KLF12: variants seen among roughly 807,000 people sequenced by gnomAD.
The protein encoded by KLF12 is KLF transcription factor 12.
KLF12 carries 9 observed loss-of-function variants against 37.8 expected under a neutral mutation model. The ratio of observed to expected loss-of-function variants is 0.24; its 90% CI spans 0.14 to 0.42. The LOEUF (loss-of-function observed/expected upper bound fraction) is 0.42. Among genes scored for constraint, KLF12 ranks in the 10% least tolerant of loss-of-function variants. KLF12 has a pLI of 1.00. For missense variants in KLF12, 411 were observed against 516.0 expected, an observed-to-expected ratio of 0.80 and a Z score of 1.97; for synonymous variants, 208 against 202.1, an observed-to-expected ratio of 1.03 and a Z score of -0.25.
chr13:73,985,980 A>G (rs1032020803), intron 2 of KLF12, among the ~76,000 whole-genome samples: 1 of 152,220 alleles, frequency 6.6e-6, no homozygotes, highest in Non-Finnish European at 1.5e-5. Context: ...CCGGAGCCAC[A>G]GCTGCAAGAG....
chr13:73,761,887 A>C (rs1196322741), intron 6 of KLF12, among the ~76,000 whole-genome samples: 1 of 152,178 alleles, frequency 6.6e-6, no homozygotes, highest in Non-Finnish European at 1.5e-5. Context: ...GGTCTGATGA[A>C]ATAGAGAATG....
At chr13:74,039,468 G>A (rs1893346006) in intron 1 of KLF12, among the ~76,000 whole-genome samples, 1 of 152,076 alleles carries the variant, frequency 6.6e-6, no homozygotes, top group African/African-American at 2.4e-5. Flanking sequence ...GGTGAAGCCA[G>A]TGAGCTTTTC....
At chr13:73,955,662 T>C (rs1295737529) in intron 2 of KLF12, among the ~76,000 whole-genome samples, 1 of 152,238 alleles carries the variant, frequency 6.6e-6, no homozygotes, top group Non-Finnish European at 1.5e-5. Context: ...TTTATGTGAT[T>C]ATCCAGAAAT....
At chr13:74,025,177 T>C (rs966565373) in intron 1 of KLF12, among the ~76,000 whole-genome samples, 6 of 152,208 alleles carry the variant, frequency 3.9e-5, no homozygotes, top group Admixed American at 6.5e-5. Context: ...TGTATCTCTA[T>C]CACTTGCCTT....
chr13:74,243,628 C>G, the KLF12 span, among the ~76,000 whole-genome samples: 30 of 152,180 alleles, frequency 2.0e-4, no homozygotes, highest in Non-Finnish European at 4.0e-4. Flanking sequence ...TGTTTCCTGA[C>G]TTTTTAATGG....
At chr13:73,905,743 T>C (rs1888251228) in intron 3 of KLF12, among the ~76,000 whole-genome samples, 2 of 41,248 alleles carry the variant, frequency 4.8e-5, no homozygotes. Context: ...GTGCAATACA[T>C]TTTTTTTTCA....
chr13:73,900,460 A>T (rs1305656997), intron 3 of KLF12, among the ~76,000 whole-genome samples: 1 of 152,136 alleles, frequency 6.6e-6, no homozygotes, highest in Admixed American at 6.5e-5. Context: ...CTTTTAATAC[A>T]TTTTTTCAGT....
the KLF12 span, among the ~76,000 whole-genome samples, chr13:74,148,675 T>A: frequency 1.3e-5 from 2 of 152,146 alleles, no homozygotes; most frequent in Admixed American, 6.6e-5. Context: ...AAGAGATAGT[T>A]TAGCACCTTG....
intron 1 of KLF12, among the ~76,000 whole-genome samples, chr13:74,057,625 T>TA (rs1217521821): frequency 6.6e-6 from 1 of 152,222 alleles, no homozygotes; most frequent in Non-Finnish European, 1.5e-5. Flanking sequence ...GTCATTGATA[T>TA]ACAGAAGAGA....
chr13:74,013,040 C>A (rs1248140853), intron 1 of KLF12, among the ~76,000 whole-genome samples: 1 of 152,192 alleles, frequency 6.6e-6, no homozygotes, highest in East Asian at 1.9e-4. Flanking sequence ...ATGTAGATTT[C>A]TTTCTTCTAT....
chr13:73,951,931 A>T (rs887620000), intron 2 of KLF12, among the ~76,000 whole-genome samples: 4 of 152,252 alleles, frequency 2.6e-5, no homozygotes, highest in Admixed American at 1.3e-4. Context: ...CTTGAAACTT[A>T]CACCATTAAG....
intron 3 of KLF12, among the ~76,000 whole-genome samples, chr13:73,921,776 ACCCATATCTTT>A (rs1889127633): frequency 6.6e-6 from 1 of 152,156 alleles, no homozygotes; most frequent in Non-Finnish European, 1.5e-5. Flanking sequence ...CCCATGCTTA[ACCCATATCTTT>A]CTAGATACGT....
At chr13:74,282,648 GA>G in the KLF12 span, among the ~76,000 whole-genome samples, 2 of 152,276 alleles carry the variant, frequency 1.3e-5, no homozygotes, top group Non-Finnish European at 2.9e-5. Flanking sequence ...AGCATGTGCA[GA>G]AAAGGAAGTA....
chr13:73,850,181 T>C (rs1236389097), intron 3 of KLF12, among the ~76,000 whole-genome samples: 7 of 152,202 alleles, frequency 4.6e-5, no homozygotes, highest in Admixed American at 3.9e-4. Flanking sequence ...TGCTGTCACA[T>C]TGTCTTTTCT....
Position 74,032,517 on chromosome 13 carries a change from G to T in KLF12, c.-31-37464C>A, listed in dbSNP as rs546340377. ...GCTCAGGCTATTTTGCCTACAGAAC[G>T]TGTTCTACTTTCAGTCACTACCTAC... On this transcript the variant is annotated intron_variant, in intron 1 of 7. Coordinates refer to ENST00000377669, the MANE Select transcript of KLF12 (RefSeq NM_007249.5). 5.9e-5 allele frequency among the ~76,000 whole-genome samples: 9 copies of T among 152,170 alleles called. 1 individual carries two copies. In the East Asian group the frequency reaches 1.7e-3, roughly 29 times the overall value.
chr13:74,215,450 T>TC, the KLF12 span, among the ~76,000 whole-genome samples: 3 of 148,854 alleles, frequency 2.0e-5, no homozygotes, highest in East Asian at 5.8e-4. Context: ...TTTTTTTTTT[T>TC]TTCCAGGAAC....
intron 1 of KLF12, among the ~76,000 whole-genome samples, chr13:74,000,257 C>T (rs1299266696): frequency 2.6e-5 from 4 of 152,264 alleles, no homozygotes; most frequent in East Asian, 3.9e-4. Flanking sequence ...TAAAGTTATA[C>T]TTCCTCAATA....
chr13:73,718,783 A>T (rs941391886), intron 6 of KLF12, among the ~76,000 whole-genome samples: 1 of 152,156 alleles, frequency 6.6e-6, no homozygotes, highest in Non-Finnish European at 1.5e-5. Flanking sequence ...AGTCCCAGCT[A>T]CTTGGGAGGC....
chr13:74,092,141 G>GA (rs1041377029), intron 1 of KLF12, among the ~76,000 whole-genome samples: 1 of 150,996 alleles, frequency 6.6e-6, no homozygotes, highest in Non-Finnish European at 1.5e-5. Context: ...TACCAAAAAA[G>GA]AAAAAATTAG....
Sources: allele counts gnomAD v4.1 joint callset (sites outside exome capture counted in the v4.1 genomes callset), GRCh38; gene constraint gnomAD v4.1.1; transcripts MANE v1.5; gene names NCBI Gene and HGNC (gene_info 2026-07-23, HGNC 2026-07-21).